The following PIGK variants were observed in gnomAD, a reference collection of about 807,000 sequenced individuals.
The protein encoded by PIGK is GPI-anchor transamidase.
In PIGK, 42 loss-of-function variants were observed where a neutral mutation model predicts 50.6. The observed-to-expected ratio is 0.83, with a 90% CI of 0.65 to 1.07. The LOEUF (loss-of-function observed/expected upper bound fraction) is 1.07. PIGK is among the 50% of genes least tolerant of loss of function. PIGK has a pLI of 0.00. For synonymous variants in PIGK, 151 were observed against 156.0 expected (o/e 0.97, Z 0.24); for missense variants, 448 against 488.7 (o/e 0.92, Z 0.78).
chr1:77,153,612 G>A (rs1408533695), intron 9 of PIGK: 1 of 150,704 alleles, frequency 6.6e-6, no homozygotes, highest in Non-Finnish European at 1.5e-5. Flanking sequence ...CCAAAAATAT[G>A]TACAAATATT....
At chr1:77,157,992 A>G (rs1259860922) in intron 8 of PIGK, among the ~76,000 whole-genome samples, 1 of 152,042 alleles carries the variant, frequency 6.6e-6, no homozygotes, top group African/African-American at 2.4e-5. Flanking sequence ...TAAGCCCATT[A>G]AACCTCTTTT....
chr1:77,155,775 C>T (rs964583681), intron 8 of PIGK, among the ~76,000 whole-genome samples: 19 of 152,098 alleles, frequency 1.2e-4, no homozygotes, highest in African/African-American at 3.9e-4. Context: ...CAGCACCTAT[C>T]CACCTGTAGA....
intron 9 of PIGK, among the ~76,000 whole-genome samples, chr1:77,150,503 A>G (rs1026304590): frequency 1.3e-5 from 2 of 150,726 alleles, no homozygotes; most frequent in Non-Finnish European, 2.9e-5. Flanking sequence ...AAAAAAAAAA[A>G]GAAAGAAAGA....
intron 3 of PIGK, among the ~76,000 whole-genome samples, chr1:77,189,579 C>T (rs2100574513): frequency 6.6e-6 from 1 of 151,672 alleles, no homozygotes; most frequent in South Asian, 2.1e-4. Context: ...TGCTTTCTGC[C>T]CTCAAACATT....
intron 3 of PIGK, 109 bp downstream of exon 3, chr1:77,206,530 AT>A (rs5775376): frequency 0.026 from 15,008 of 567,064 alleles, 2 homozygotes; most frequent in Middle Eastern, 0.032. Context: ...TTCAAATCAG[AT>A]TTTTTTTTTT....
intron 3 of PIGK, among the ~76,000 whole-genome samples, chr1:77,186,901 T>G (rs369368283): frequency 6.6e-6 from 1 of 152,198 alleles, no homozygotes; most frequent in Admixed American, 6.5e-5. Context: ...GTTGATTATA[T>G]TGAACCTCTT....
intron 9 of PIGK, among the ~76,000 whole-genome samples, chr1:77,125,729 G>C (rs1227615327): frequency 6.6e-6 from 1 of 152,002 alleles, no homozygotes; most frequent in African/African-American, 2.4e-5. Context: ...CAGGAAACAG[G>C]AGTCCTTTCA....
chr1:77,149,756 A>G (rs1270726093), intron 9 of PIGK, among the ~76,000 whole-genome samples: 1 of 152,190 alleles, frequency 6.6e-6, no homozygotes, highest in Non-Finnish European at 1.5e-5. Flanking sequence ...CCTAATAGAC[A>G]TTTATAGAAC....
chr1:77,116,578 G>A (rs990647852), intron 10 of PIGK, among the ~76,000 whole-genome samples: 2 of 112,010 alleles, frequency 1.8e-5, no homozygotes, highest in Non-Finnish European at 3.3e-5. Flanking sequence ...GTGTGTGTGT[G>A]TGTGTGTGTG....
chr1:77,151,205 C>A (rs991491669), intron 9 of PIGK, among the ~76,000 whole-genome samples: 2 of 151,952 alleles, frequency 1.3e-5, no homozygotes, highest in Non-Finnish European at 2.9e-5. Flanking sequence ...ACATGCAAAT[C>A]AATAAACATG....
intron 3 of PIGK, among the ~76,000 whole-genome samples, chr1:77,176,004 A>T (rs1460916219): frequency 6.6e-6 from 1 of 152,152 alleles, no homozygotes; most frequent in East Asian, 1.9e-4. Flanking sequence ...ATTAAAGGAT[A>T]ATAAAAAAAT....
At chr1:77,171,460 A>AAAAAAAAAAAAAAAAAAAAAAAC (rs1655361356) in intron 3 of PIGK, among the ~76,000 whole-genome samples, 1 of 148,098 alleles carries the variant, frequency 6.8e-6, no homozygotes, top group Non-Finnish European at 1.5e-5. Flanking sequence ...AAAAAAAAAA[A>AAAAAAAAAAAAAAAAAAAAAAAC]AAAGAATATT....
intron 3 of PIGK, among the ~76,000 whole-genome samples, chr1:77,191,157 G>C (rs1436075513): frequency 6.6e-6 from 1 of 152,142 alleles, no homozygotes; most frequent in African/African-American, 2.4e-5. Flanking sequence ...CTATCTTTCT[G>C]ATCATTTTGG....
Position 77,219,407 on chromosome 1 carries a change from A to G in PIGK, c.-5T>C, listed in dbSNP as rs776826885. 1.6e-5 allele frequency: 26 copies of G among 1,612,540 alleles called. No individual in the cohort carries two copies. In the Middle Eastern group the frequency reaches 4.9e-4, roughly 31 times the overall value. On this transcript the variant is annotated 5_prime_UTR_variant, in exon 1 of 11. Coordinates refer to ENST00000370812, the MANE Select transcript of PIGK (RefSeq NM_005482.3). ...GAGGCTGTCGGTGACGGCCATGTTT[A>G]CCGGCTTCAGACTTCCCGCACCTGA... is the stretch of plus-strand genomic sequence containing the variant.
rs377450862 is a variant in PIGK, at chr1:77,158,986, TG to T, written c.813+2308del. The stretch of plus-strand genomic sequence containing the variant: ...AGCCAAATGTTAATTGCCAAGACAA[TG>T]GGGAAAATGTCTCCAGGGCATGTCA... On this transcript the variant is annotated intron_variant, in intron 8 of 10. Coordinates refer to ENST00000370812, the MANE Select transcript of PIGK (RefSeq NM_005482.3). Among the ~76,000 whole-genome samples the T allele has an allele frequency of 3.4e-3, 524 of 152,228 alleles. 5 individuals are homozygous for T. The highest frequency in any genetic ancestry group is 0.012 in the African/African-American group (483 of 41,548).
chr1:77,184,552 CT>C (rs1022807204), intron 3 of PIGK, among the ~76,000 whole-genome samples: 1 of 152,232 alleles, frequency 6.6e-6, no homozygotes, highest in Non-Finnish European at 1.5e-5. Flanking sequence ...CTACTGGACA[CT>C]GGCTCTGAGC....
intron 10 of PIGK, among the ~76,000 whole-genome samples, chr1:77,095,586 G>A (rs1011377154): frequency 1.3e-5 from 2 of 152,030 alleles, no homozygotes; most frequent in Non-Finnish European, 2.9e-5. Flanking sequence ...AGGGTAGGGG[G>A]GCACTGACAA....
chr1:77,096,935 T>C (rs1653424064), intron 10 of PIGK, among the ~76,000 whole-genome samples: 1 of 151,726 alleles, frequency 6.6e-6, no homozygotes, highest in South Asian at 2.1e-4. Flanking sequence ...TTTTGTTTGT[T>C]TTTTTAATTA....
chr1:77,219,341 G>T lies in PIGK; in HGVS notation c.62C>A (p.Ser21Tyr). The part of the protein sequence containing the change: ...ATVLATVLLL[S>Y]FGSVAASHIE... The stretch of plus-strand genomic sequence containing the variant: ...ATGACTAGCGGCCACGCTGCCGAAG[G>T]ACAAGAGCAACACAGTTGCCAAGAC... Residue 21 changes from serine to tyrosine, a missense_variant, in exon 1 of 11, where the codon TCC becomes TAC. Physicochemically the swap from Ser to Tyr is moderately radical, Grantham distance 144. Transcript: ENST00000370812. 1 of 1,613,800 alleles carries T rather than the reference G, an allele frequency of 6.2e-7. No homozygotes were observed. The highest frequency in any genetic ancestry group is 8.5e-7 in the Non-Finnish European group (1 of 1,179,804).
Sources: allele counts gnomAD v4.1 joint callset (sites outside exome capture counted in the v4.1 genomes callset), GRCh38; gene constraint gnomAD v4.1.1; transcripts MANE v1.5; gene names NCBI Gene and HGNC (gene_info 2026-07-23, HGNC 2026-07-21).